The following DMD variants were observed in gnomAD, a reference collection of about 807,000 sequenced individuals.
DMD encodes the protein dystrophin.
A neutral mutation model predicts 330.1 loss-of-function variants in DMD; 63 were observed. That is an observed-to-expected ratio of 0.19 (90% CI 0.16 to 0.24). DMD has a LOEUF of 0.24. DMD is among the 10% of genes least tolerant of loss of function. DMD has a pLI of 1.00. For synonymous variants in DMD, 1,223 were observed against 959.8 expected (o/e 1.27, Z -5.07); for missense variants, 3,344 against 2,684.1 (o/e 1.25, Z -5.43).
At chrX:32,152,838 A>T (rs1471851347) in intron 44 of DMD, among the ~76,000 whole-genome samples, 1 of 112,217 alleles carries the variant, frequency 8.9e-6, no homozygotes, top group Admixed American at 9.5e-5. Context: ...AAAGAATTAG[A>T]AAAACAATTT....
At chrX:33,103,955 G>A (rs1603286351) in intron 1 of DMD, among the ~76,000 whole-genome samples, 1 of 111,347 alleles carries the variant, frequency 9.0e-6, no homozygotes, top group Non-Finnish European at 1.9e-5. Flanking sequence ...AGAACAGAAC[G>A]ATAACTCAAA....
rs748558169 is a variant in DMD, at chrX:31,121,902, C to T, written c.*17G>A. The T allele has an allele frequency of 1.8e-5, 22 of 1,206,376 alleles. No individual in the cohort carries two copies. The East Asian group carries it at 2.1e-4, about 11-fold the overall frequency. On this transcript the variant is annotated 3_prime_UTR_variant, in exon 79 of 79. Coordinates refer to ENST00000357033, the MANE Select transcript of DMD (RefSeq NM_004006.3). The stretch of plus-strand genomic sequence containing the variant: ...CCATCGCTCTGCCCAAATCATCTGC[C>T]ATGTGGAAAAGACTTCCTACATTGT...
chrX:33,143,053 CAG>C (rs1266926651), intron 1 of DMD, among the ~76,000 whole-genome samples: 4 of 111,523 alleles, frequency 3.6e-5, no homozygotes, highest in Non-Finnish European at 5.7e-5. Context: ...AATAACCTAA[CAG>C]TGATTATTTT....
At chrX:32,735,061 G>T (rs916042837) in intron 7 of DMD, among the ~76,000 whole-genome samples, 1 of 110,975 alleles carries the variant, frequency 9.0e-6, no homozygotes, top group Non-Finnish European at 1.9e-5. Flanking sequence ...GGGAACTTCA[G>T]CAAAGTCTCA....
chrX:33,015,638 C>A (rs958558966), intron 2 of DMD, among the ~76,000 whole-genome samples: 4 of 110,195 alleles, frequency 3.6e-5, no homozygotes, highest in African/African-American at 6.6e-5. Flanking sequence ...ATATAACAAA[C>A]CTGCACATGT....
chrX:32,085,617 CGTATATAT>C (rs1432632144), intron 44 of DMD, among the ~76,000 whole-genome samples: 2 of 85,301 alleles, frequency 2.3e-5, no homozygotes, highest in Non-Finnish European at 4.4e-5. Flanking sequence ...TATATATATA[CGTATATAT>C]ATACACATAT....
intron 44 of DMD, among the ~76,000 whole-genome samples, chrX:32,040,567 G>A (rs1359154175): frequency 1.8e-5 from 2 of 111,692 alleles, no homozygotes; most frequent in Non-Finnish European, 3.8e-5. Context: ...GAACTCTCTG[G>A]ATGGGGGGGA....
chrX:33,111,651 G>A (rs1409115863), intron 1 of DMD, among the ~76,000 whole-genome samples: 3 of 111,792 alleles, frequency 2.7e-5, no homozygotes, highest in Non-Finnish European at 3.8e-5. Flanking sequence ...GCCCAGGCTC[G>A]ATTCGAGTGC....
intron 34 of DMD, among the ~76,000 whole-genome samples, chrX:32,378,691 CTA>C (rs1271279697): frequency 9.0e-6 from 1 of 110,506 alleles, no homozygotes; most frequent in Non-Finnish European, 1.9e-5. Context: ...GAAATTGACT[CTA>C]GATATTCAAA....
chrX:33,023,565 A>G (rs1177601914), intron 1 of DMD, among the ~76,000 whole-genome samples: 1 of 111,662 alleles, frequency 9.0e-6, no homozygotes, highest in Admixed American at 9.5e-5. Context: ...TTTAATCATA[A>G]TTAATTTGAT....
At chrX:31,149,809 C>T (rs1397615905) in intron 74 of DMD, among the ~76,000 whole-genome samples, 3 of 111,737 alleles carry the variant, frequency 2.7e-5, no homozygotes, top group African/African-American at 9.7e-5. Context: ...GTAATTCTTA[C>T]TGTGATTTCT....
chrX:32,808,478 C>G (rs1201732072), intron 7 of DMD, among the ~76,000 whole-genome samples: 1 of 111,502 alleles, frequency 9.0e-6, no homozygotes, highest in Non-Finnish European at 1.9e-5. Context: ...CAATGTGGAT[C>G]TGCTAGATGA....
intron 2 of DMD, among the ~76,000 whole-genome samples, chrX:32,985,238 T>G (rs1390135870): frequency 9.0e-6 from 1 of 110,780 alleles, no homozygotes; most frequent in East Asian, 3.1e-4. Context: ...AGCTATAGAA[T>G]ATAGATATTT....
chrX:32,474,311 G>A (rs776959906), intron 21 of DMD, among the ~76,000 whole-genome samples: 1 of 111,542 alleles, frequency 9.0e-6, no homozygotes, highest in Admixed American at 9.5e-5. Context: ...GGTGTGAACT[G>A]TGCTGCTATA....
At chrX:31,132,159 C>G (rs773150780) in intron 77 of DMD, among the ~76,000 whole-genome samples, 1 of 112,136 alleles carries the variant, frequency 8.9e-6, no homozygotes, top group East Asian at 2.8e-4. Context: ...TCCGTAAGCA[C>G]TAATTTAGTA....
At chrX:32,373,430 T>A (rs1413853707) in intron 34 of DMD, among the ~76,000 whole-genome samples, 1 of 108,937 alleles carries the variant, frequency 9.2e-6, no homozygotes, top group African/African-American at 3.3e-5. Flanking sequence ...GTAGTTGTTC[T>A]AGGCTTTGTG....
At chrX:32,835,986 A>G (rs1376786054) in intron 4 of DMD, among the ~76,000 whole-genome samples, 2 of 110,460 alleles carry the variant, frequency 1.8e-5, no homozygotes, top group African/African-American at 6.6e-5. Context: ...TCTATTAGCA[A>G]TTATCAATTT....
intron 63 of DMD, among the ~76,000 whole-genome samples, chrX:31,254,500 G>A (rs2049723933): frequency 9.0e-6 from 1 of 110,726 alleles, no homozygotes; most frequent in Admixed American, 9.6e-5. Flanking sequence ...GGGACTACAG[G>A]CACATGCCAC....
chrX:33,019,496 C>T lies in DMD; in HGVS notation c.93+643G>A, dbSNP rs778285487. On this transcript the variant is annotated intron_variant, in intron 2 of 78. Coordinates refer to ENST00000357033, the MANE Select transcript of DMD (RefSeq NM_004006.3). Reference sequence around the variant, plus strand: ...AAAATGCAAGTCTTTTAAACTTTGACATCCCAATAAACCTCCATATATTGC... The same window carrying T: ...AAAATGCAAGTCTTTTAAACTTTGATATCCCAATAAACCTCCATATATTGC... Among the ~76,000 whole-genome samples, 4 of 111,584 alleles carry T rather than the reference C, an allele frequency of 3.6e-5. No homozygotes were observed. In the Admixed American group the frequency reaches 3.8e-4, roughly 11 times the overall value.
Sources: allele counts gnomAD v4.1 joint callset (sites outside exome capture counted in the v4.1 genomes callset), GRCh38; gene constraint gnomAD v4.1.1; transcripts MANE v1.5; gene names NCBI Gene and HGNC (gene_info 2026-07-23, HGNC 2026-07-21).